Variants in ACVR2A observed in about 807,000 individuals in gnomAD.
The protein encoded by ACVR2A is activin receptor type-2A.
In ACVR2A, 7 loss-of-function variants were observed where a neutral mutation model predicts 61.4. The ratio of observed to expected loss-of-function variants is 0.11; its 90% confidence interval spans 0.06 to 0.21. The LOEUF (loss-of-function observed/expected upper bound fraction) is 0.21. Among genes scored for constraint, ACVR2A ranks in the 10% least tolerant of loss-of-function variants. ACVR2A has a pLI of 1.00. For missense variants in ACVR2A, 322 were observed against 621.7 expected (o/e 0.52, Z 5.13); for synonymous variants, 193 against 208.3 (o/e 0.93, Z 0.63).
At chr2:147,923,239 G>A (rs1687428891) in intron 9 of ACVR2A, 128 bp downstream of exon 9, 2 of 1,041,678 alleles carry the variant, frequency 1.9e-6, no homozygotes, top group Non-Finnish European at 2.7e-6. Flanking sequence ...AGATGGTAGA[G>A]AATTCAGGAG....
chr2:147,849,525 C>G (rs1685398101), intron 1 of ACVR2A, among the ~76,000 whole-genome samples: 1 of 152,126 alleles, frequency 6.6e-6, no homozygotes, highest in Non-Finnish European at 1.5e-5. Context: ...TAGACTAATT[C>G]ATGATACAGT....
intron 4 of ACVR2A, among the ~76,000 whole-genome samples, chr2:147,914,040 A>C (rs1034963554): frequency 6.6e-6 from 1 of 151,836 alleles, no homozygotes; most frequent in African/African-American, 2.4e-5. Context: ...AAAACTCCTG[A>C]GTGGCACCAG....
intron 2 of ACVR2A, 153 bp downstream of exon 2, chr2:147,896,661 T>G: frequency 1.5e-6 from 1 of 652,160 alleles, no homozygotes. Flanking sequence ...CATGCTGTAA[T>G]GACAGTATAT....
At position 147,920,388 on chromosome 2, in the gene ACVR2A, C is replaced by T. The variant is rs564100734; in HGVS notation, c.1077+44C>T. The T allele has an allele frequency of 1.2e-4, 181 of 1,464,964 alleles. 3 individuals are homozygous for T. In the South Asian group the frequency reaches 1.8e-3, roughly 15 times the overall value. 90.7% of individuals were successfully genotyped at this position (1,464,964 alleles called of 1,614,324 possible). Reference sequence around the variant, plus strand: ...AAATGTAAGAAAAAATAAACTTGTTCCATATTTTCTTAGAATGGCATGTCA... The same window carrying T: ...AAATGTAAGAAAAAATAAACTTGTTTCATATTTTCTTAGAATGGCATGTCA... On this transcript the variant is annotated intron_variant, in intron 8 of 10. Coordinates refer to ENST00000241416, the MANE Select transcript of ACVR2A (RefSeq NM_001616.5).
chr2:147,896,196 G>A (rs750499080), intron 1 of ACVR2A, 105 bp from the exon 2 acceptor site: 7 of 973,156 alleles, frequency 7.2e-6, no homozygotes, highest in Non-Finnish European at 1.1e-5. Flanking sequence ...GTGGGAAGAC[G>A]GTGAATTACT....
At position 147,893,803 on chromosome 2, in the gene ACVR2A, A is replaced by G. The variant is rs1251671574; in HGVS notation, c.56-2498A>G. 2.0e-5 allele frequency among the ~76,000 whole-genome samples: 3 copies of G among 152,240 alleles called. No individual in the cohort carries two copies. The East Asian group carries it at 5.8e-4, about 29-fold the overall frequency. ...GTCCTTTTTTAGAAATGTGTTTTGCAAGTATTTTCTTCCAGTCTGTGACTT... is the reference window on the plus strand; with the variant it reads ...GTCCTTTTTTAGAAATGTGTTTTGCGAGTATTTTCTTCCAGTCTGTGACTT... On this transcript the variant is annotated intron_variant, in intron 1 of 10. Transcript: ENST00000241416.
At chr2:147,922,662 C>T (rs1267564098) in intron 8 of ACVR2A, among the ~76,000 whole-genome samples, 1 of 151,520 alleles carries the variant, frequency 6.6e-6, no homozygotes, top group Non-Finnish European at 1.5e-5. Context: ...TTTTTTAAAG[C>T]TACATTTCAA....
At chr2:147,921,198 C>T (rs546343799) in intron 8 of ACVR2A, among the ~76,000 whole-genome samples, 104 of 152,030 alleles carry the variant, frequency 6.8e-4, no homozygotes, top group Non-Finnish European at 1.3e-3. Flanking sequence ...CATGCCCAGC[C>T]TAATGTTTGT....
chr2:147,890,391 TTATA>T (rs1474874388), intron 1 of ACVR2A, among the ~76,000 whole-genome samples: 1 of 151,360 alleles, frequency 6.6e-6, no homozygotes, highest in African/African-American at 2.4e-5. Context: ...CATGTACTCT[TTATA>T]TATAGTAGCA....
chr2:147,882,775 A>C (rs1431404297), intron 1 of ACVR2A, among the ~76,000 whole-genome samples: 1 of 151,980 alleles, frequency 6.6e-6, no homozygotes, highest in Non-Finnish European at 1.5e-5. Context: ...GTTTTGTCAG[A>C]CTGATAGTAA....
At chr2:147,869,197 T>C (rs1685949643) in intron 1 of ACVR2A, among the ~76,000 whole-genome samples, 1 of 152,232 alleles carries the variant, frequency 6.6e-6, no homozygotes, top group African/African-American at 2.4e-5. Flanking sequence ...TAGAAAACTT[T>C]CTACATTTGT....
intron 4 of ACVR2A, among the ~76,000 whole-genome samples, chr2:147,913,338 T>G (rs940942347): frequency 3.9e-5 from 6 of 151,956 alleles, no homozygotes; most frequent in Admixed American, 2.0e-4. Flanking sequence ...TAGCACTGTA[T>G]TCCCTCTACC....
At chr2:147,857,199 G>A (rs1256374936) in intron 1 of ACVR2A, among the ~76,000 whole-genome samples, 2 of 152,102 alleles carry the variant, frequency 1.3e-5, no homozygotes, top group African/African-American at 4.8e-5. Flanking sequence ...AATCATTGAA[G>A]AGTAGTTTTG....
intron 1 of ACVR2A, among the ~76,000 whole-genome samples, chr2:147,857,159 G>T (rs1182649818): frequency 6.6e-6 from 1 of 152,146 alleles, no homozygotes; most frequent in Non-Finnish European, 1.5e-5. Context: ...GGTCAGAGAA[G>T]AAGGGTGGTT....
At chr2:147,903,970 T>C (rs913567175) in intron 4 of ACVR2A, among the ~76,000 whole-genome samples, 2 of 152,030 alleles carry the variant, frequency 1.3e-5, no homozygotes, top group South Asian at 2.1e-4. Flanking sequence ...CAGGGATTCC[T>C]TTAATAAACA....
chr2:147,871,301 A>C (rs1686008068), intron 1 of ACVR2A, among the ~76,000 whole-genome samples: 1 of 152,110 alleles, frequency 6.6e-6, no homozygotes, highest in South Asian at 2.1e-4. Context: ...CCAATGAGTT[A>C]ATATATTAAT....
intron 1 of ACVR2A, among the ~76,000 whole-genome samples, chr2:147,892,629 AT>A (rs1558805278): frequency 6.6e-6 from 1 of 151,768 alleles, no homozygotes; most frequent in East Asian, 1.9e-4. Flanking sequence ...TATGAAAAAT[AT>A]TTTCCAAAAC....
At chr2:147,844,948 A>AT, upstream of ACVR2A, 1 of 355,244 alleles carries the variant, frequency 2.8e-6, no homozygotes, top group Non-Finnish European at 4.5e-6. Flanking sequence ...GGTGCATTTT[A>AT]TTTTTTATCG....
intron 8 of ACVR2A, among the ~76,000 whole-genome samples, 188 bp downstream of exon 8, chr2:147,920,532 A>T (rs1427450477): frequency 1.3e-5 from 2 of 152,178 alleles, no homozygotes; most frequent in African/African-American, 4.8e-5. Context: ...TAGATCAAGC[A>T]CTTCGTAAAG....
Sources: gnomAD v4.1 joint callset for allele counts (sites outside exome capture counted in the v4.1 genomes callset) on GRCh38, gnomAD v4.1.1 for gene constraint, MANE v1.5 for transcripts, NCBI Gene and HGNC (gene_info 2026-07-23, HGNC 2026-07-21) for gene names.